CAPN15: variants seen among roughly 807,000 people sequenced by gnomAD.
CAPN15 encodes calpain 15.
In CAPN15, 53 loss-of-function variants were observed where a neutral mutation model predicts 97.9. The ratio of observed to expected loss-of-function variants is 0.54; its 90% CI spans 0.43 to 0.68. The LOEUF (loss-of-function observed/expected upper bound fraction) is 0.68. Ranked by LOEUF, CAPN15 falls within the 30% of genes least tolerant of loss-of-function variation. CAPN15 has a pLI of 0.00. For synonymous variants in CAPN15, 922 were observed against 722.5 expected (o/e 1.28, Z -4.43); for missense variants, 1,592 against 1,589.8 (o/e 1.00, Z -0.02).
chr16:528,805 C>T (rs964069286), intron 1 of CAPN15: 4 of 968,532 alleles, frequency 4.1e-6, no homozygotes, highest in Non-Finnish European at 4.9e-6. Context: ...GACTGGGACT[C>T]CGTTGGGTGC....
intron 3 of CAPN15, among the ~76,000 whole-genome samples, 151 bp downstream of exon 3, chr16:536,293 C>T (rs1023592372): frequency 1.3e-5 from 2 of 152,200 alleles, no homozygotes; most frequent in Non-Finnish European, 2.9e-5. Context: ...TGGGCGCTGT[C>T]CCTGGGGGTG....
chr16:528,412 C>T (rs572429441), intron 1 of CAPN15, among the ~76,000 whole-genome samples: 2 of 152,350 alleles, frequency 1.3e-5, no homozygotes, highest in Admixed American at 1.3e-4. Context: ...GCGGTCCTGG[C>T]CGCCTTAGGG....
rs776271287 is a variant in CAPN15, at chr16:553,558, C to G, written c.*42C>G. ...AGGGGCTGTGCACAGACGGACCCCC[C>G]ACCCCCACACGCACTTTATGAGGGA... On this transcript the variant is annotated 3_prime_UTR_variant, in exon 14 of 14. Coordinates refer to ENST00000219611, the MANE Select transcript of CAPN15 (RefSeq NM_005632.3). 2.3e-6 allele frequency: 3 copies of G among 1,302,706 alleles called. No homozygotes were observed. In the South Asian group the frequency reaches 3.9e-5, roughly 17 times the overall value. The allele number at this position is 1,302,706 out of a possible 1,614,324, so 80.7% of individuals were successfully genotyped here.
At position 540,204 on chromosome 16, in the gene CAPN15, C is replaced by T. The variant is rs920270529; in HGVS notation, c.-23+4062C>T. On this transcript the variant is annotated intron_variant, in intron 3 of 13. Coordinates refer to ENST00000219611, the MANE Select transcript of CAPN15 (RefSeq NM_005632.3). ...GCCGGGGGGCCATGGGGAGCTCCGC[C>T]TCCTCCCTGGCCGCAGAGACCGAGT... is the stretch of plus-strand genomic sequence containing the variant. 1.4e-5 allele frequency: 14 copies of T among 985,386 alleles called. No individual in the cohort carries two copies. In the East Asian group the frequency reaches 3.4e-4, roughly 24 times the overall value. The allele number at this position is 985,386 out of a possible 1,614,324, so 61.0% of individuals were successfully genotyped here.
At chr16:543,912 C>G (rs1216982792) in intron 3 of CAPN15, among the ~76,000 whole-genome samples, 1 of 152,196 alleles carries the variant, frequency 6.6e-6, no homozygotes, top group African/African-American at 2.4e-5. Flanking sequence ...CCCATGACCG[C>G]TCCCCCACAT....
At chr16:550,811 C>G (rs1480925367) in intron 7 of CAPN15, among the ~76,000 whole-genome samples, 39 of 39,914 alleles carry the variant, frequency 9.8e-4, no homozygotes, top group East Asian at 1.8e-3. Context: ...CGGTGAGGGC[C>G]CCGGTCGGTG....
Position 554,364 on chromosome 16 carries a change from C to T in CAPN15, c.*848C>T. The T allele has an allele frequency of 2.6e-6, 1 of 388,192 alleles. No homozygotes were observed. The highest frequency in any genetic ancestry group is 1.9e-5 in the South Asian group (1 of 52,828). The allele number at this position is 388,192 out of a possible 1,614,324, so 24.0% of individuals were successfully genotyped here. ...AGCTTTCTGCGTGCCCTCCTGGCCCCTCACTCCCGGCAGCGGGCCGGCCTC... is the reference window on the plus strand; with the variant it reads ...AGCTTTCTGCGTGCCCTCCTGGCCCTTCACTCCCGGCAGCGGGCCGGCCTC... On this transcript the variant is annotated 3_prime_UTR_variant, in exon 14 of 14. Coordinates refer to ENST00000219611, the MANE Select transcript of CAPN15 (RefSeq NM_005632.3).
In CAPN15 at chr16:552,181, C is replaced by T. The variant is rs1171809361; in HGVS notation, c.2476C>T (p.Leu826=). 1 of 1,538,210 alleles carries T rather than the reference C, an allele frequency of 6.5e-7. No individual in the cohort carries two copies. Among genetic ancestry groups the T allele is most frequent in the South Asian group, 1.2e-5 (1 of 82,660 alleles). The change falls in exon 10 of 14, where the codon CTG becomes TTG. Residue 826 remains leucine (L), a synonymous_variant. Coordinates refer to ENST00000219611, the MANE Select transcript of CAPN15 (RefSeq NM_005632.3). The surrounding 1 kb of genome is among the most constrained non-coding windows in gnomAD (Gnocchi z 6.4). ...TALTVLERAS[L]EFALFQEGSR... ...GCTCACGGTGCTGGAGCGGGCCTCG[C>T]TGGAGTTCGCGCTCTTCCAGGAGGG...
rs1213609872 is a variant in CAPN15 at position 536,091 on chromosome 16, G to A, written c.-74G>A. 1.0e-6 allele frequency: 1 copy of A among 983,148 alleles called. No individual in the cohort carries two copies. Among genetic ancestry groups the A allele is most frequent in the Non-Finnish European group, 1.2e-6 (1 of 829,678 alleles). 60.9% of individuals were successfully genotyped at this position (983,148 alleles called of 1,614,324 possible). On this transcript the variant is annotated 5_prime_UTR_variant, in exon 3 of 14. Transcript: ENST00000219611. ...CTGCGTCCTCGGGGCCACTGCACTG[G>A]GTGATTCACGTGTGCCCAGGCCCTG...
chr16:539,223 A>G (rs1427754395), intron 3 of CAPN15: 5 of 152,216 alleles, frequency 3.3e-5, no homozygotes, highest in African/African-American at 1.2e-4. Flanking sequence ...CCAGAGACTT[A>G]ATCAGAAGCT....
intron 3 of CAPN15, chr16:537,297 T>G: frequency 9.1e-6 from 9 of 985,560 alleles, no homozygotes; most frequent in Non-Finnish European, 1.1e-5. Flanking sequence ...AGCAGGAGGC[T>G]GGTGAGCAGC....
At chr16:550,595 G>A (rs973278985) in intron 7 of CAPN15, among the ~76,000 whole-genome samples, 1 of 152,066 alleles carries the variant, frequency 6.6e-6, no homozygotes, top group Admixed American at 6.5e-5. Flanking sequence ...AGTCGGTGAG[G>A]GCCCCACTCA....
intron 7 of CAPN15, 117 bp from the exon 8 acceptor site, chr16:551,185 G>C: frequency 6.8e-7 from 1 of 1,466,278 alleles, no homozygotes; most frequent in Non-Finnish European, 9.0e-7. Flanking sequence ...GGTCGGTGAG[G>C]GCCCCGGTCG....
Position 552,128 on chromosome 16 carries a change from C to T in CAPN15, c.2423C>T (p.Ser808Leu), listed in dbSNP as rs771496168. 2.8e-5 allele frequency: 44 copies of T among 1,548,242 alleles called. No individual in the cohort carries two copies. Among genetic ancestry groups the T allele is most frequent in the East Asian group, 9.8e-5 (4 of 40,902 alleles). The change falls in exon 10 of 14, where the codon TCG (serine) becomes TTG (leucine). Residue 808 changes from serine to leucine, a missense_variant. Around this residue, in one of 3 missense-constraint regions of CAPN15, gnomAD observed 644 missense variants for 699.6 expected, o/e 0.92. Coordinates refer to ENST00000219611, the MANE Select transcript of CAPN15 (RefSeq NM_005632.3). This position sits in a 1 kb window ranked among gnomAD's most constrained non-coding sequence, Gnocchi z 6.4. ...EARVQGCFPS[S>L]ASAPVGVTAL... Reference sequence around the variant, plus strand: ...CGGGTGCAGGGCTGCTTTCCCAGCTCGGCCAGCGCGCCCGTGGGGGTAACA... The same window carrying T: ...CGGGTGCAGGGCTGCTTTCCCAGCTTGGCCAGCGCGCCCGTGGGGGTAACA...
intron 3 of CAPN15, chr16:539,073 T>A (rs1185146171): frequency 6.6e-6 from 1 of 152,132 alleles, no homozygotes; most frequent in African/African-American, 2.4e-5. Flanking sequence ...TAGTGTTTAG[T>A]TTTCTATAAA....
intron 3 of CAPN15, among the ~76,000 whole-genome samples, chr16:543,997 C>T (rs942490863): frequency 2.7e-5 from 4 of 150,142 alleles, no homozygotes; most frequent in East Asian, 2.0e-4. Context: ...GCCATGCGGC[C>T]GGCGTGGGGC....
Position 554,164 on chromosome 16 carries a change from G to A in CAPN15, c.*648G>A. 1 of 234,320 alleles carries A rather than the reference G, an allele frequency of 4.3e-6. No homozygotes were observed. The highest frequency in any genetic ancestry group is 8.5e-6 in the Non-Finnish European group (1 of 117,556). The allele number at this position is 234,320 out of a possible 1,614,324, so 14.5% of individuals were successfully genotyped here. ...CCAGGCCCGCTGTGGGTGGGCACCAGTTCTCAGCACCGCTCACTGCTGCCG... is the reference window on the plus strand; with the variant it reads ...CCAGGCCCGCTGTGGGTGGGCACCAATTCTCAGCACCGCTCACTGCTGCCG... On this transcript the variant is annotated 3_prime_UTR_variant, in exon 14 of 14. Transcript: ENST00000219611.
At chr16:551,159 C>CGTCGGTGAGGGTCCCCA (rs2035037696) in intron 7 of CAPN15, 143 bp from the exon 8 acceptor site, 1 of 1,147,882 alleles carries the variant, frequency 8.7e-7, no homozygotes, top group African/African-American at 4.2e-5. Context: ...GAGGGCGCCC[C>CGTCGGTGAGGGTCCCCA]GTCGGTGAGG....
chr16:544,191 G>C (rs763615802), intron 3 of CAPN15, among the ~76,000 whole-genome samples: 20 of 152,174 alleles, frequency 1.3e-4, no homozygotes, highest in Non-Finnish European at 2.4e-4. Flanking sequence ...CACCACGCCT[G>C]CCCCTCAGAG....
Sources: gnomAD v4.1 joint callset for allele counts (sites outside exome capture counted in the v4.1 genomes callset) on GRCh38, gnomAD v4.1.1 for gene constraint, gnomAD v4.1.1 regional missense constraint, Gnocchi (gnomAD v3.1) non-coding constraint, MANE v1.5 for transcripts, NCBI Gene and HGNC (gene_info 2026-07-23, HGNC 2026-07-21) for gene names.